ADAMTS17: variants seen among roughly 807,000 people sequenced by gnomAD.
ADAMTS17 encodes the protein ADAM metallopeptidase with thrombospondin type 1 motif 17.
ADAMTS17 carries 113 observed loss-of-function variants against 141.5 expected under a neutral mutation model. The ratio of observed to expected loss-of-function variants is 0.80; its 90% CI spans 0.69 to 0.93. The LOEUF (loss-of-function observed/expected upper bound fraction) is 0.93, where lower values mean the gene tolerates loss of function less well. Ranked by LOEUF, ADAMTS17 falls within the 40% of genes least tolerant of loss-of-function variation. ADAMTS17 has a pLI of 0.00. For missense variants in ADAMTS17, 1,659 were observed against 1,517.9 expected (o/e 1.09, Z -1.54); for synonymous variants, 768 against 630.6 (o/e 1.22, Z -3.27).
chr15:100,146,298 G>A (rs894863520), intron 10 of ADAMTS17, among the ~76,000 whole-genome samples: 3 of 152,354 alleles, frequency 2.0e-5, no homozygotes, highest in Middle Eastern at 3.4e-3. Context: ...GCAGAAGAAC[G>A]TGGATTGTGA....
chr15:100,194,510 G>A (rs1484847550), intron 8 of ADAMTS17, among the ~76,000 whole-genome samples: 1 of 152,150 alleles, frequency 6.6e-6, no homozygotes, highest in Non-Finnish European at 1.5e-5. Flanking sequence ...TCACACTAAA[G>A]TTACTGCCAA....
intron 7 of ADAMTS17, among the ~76,000 whole-genome samples, chr15:100,201,545 G>A (rs917257349): frequency 1.3e-5 from 2 of 152,188 alleles, no homozygotes; most frequent in African/African-American, 2.4e-5. Flanking sequence ...TCCAAAAGGC[G>A]CAGAGGAAGC....
rs559101409 is a variant in ADAMTS17 at position 100,127,586 on chromosome 15, GTTTGT to G, written c.1721+4416_1721+4420del. 2.2e-4 allele frequency among the ~76,000 whole-genome samples: 33 copies of G among 152,242 alleles called. No individual in the cohort carries two copies. In the South Asian group the frequency reaches 6.8e-3, roughly 32 times the overall value. On this transcript the variant is annotated intron_variant, in intron 12 of 21. Coordinates refer to ENST00000268070, the MANE Select transcript of ADAMTS17 (RefSeq NM_139057.4). Reference sequence around the variant, plus strand: ...ATGTGATTCTATTTTTTGTTTGTTTGTTTGTTTTGTTTTGAGATGGAGTCCCACTC... The same window carrying G: ...ATGTGATTCTATTTTTTGTTTGTTTGTTTGTTTTGAGATGGAGTCCCACTC...
chr15:100,097,889 A>G (rs1314590278), intron 14 of ADAMTS17, among the ~76,000 whole-genome samples: 3 of 152,162 alleles, frequency 2.0e-5, no homozygotes, highest in Non-Finnish European at 4.4e-5. Flanking sequence ...ATTTTTTTGA[A>G]AAAGATCTAA....
intron 3 of ADAMTS17, among the ~76,000 whole-genome samples, chr15:100,290,978 G>T (rs2044606623): frequency 6.6e-6 from 1 of 152,056 alleles, no homozygotes; most frequent in African/African-American, 2.4e-5. Flanking sequence ...AAAAGCAATT[G>T]CAACAAAAAC....
intron 10 of ADAMTS17, among the ~76,000 whole-genome samples, 156 bp downstream of exon 10, chr15:100,152,456 G>A (rs1285239283): frequency 6.6e-6 from 1 of 152,186 alleles, no homozygotes; most frequent in Admixed American, 6.5e-5. Context: ...GTCTCTGTAT[G>A]CAAACGTGTG....
At chr15:100,027,497 T>G (rs1307485362) in intron 18 of ADAMTS17, among the ~76,000 whole-genome samples, 1 of 152,254 alleles carries the variant, frequency 6.6e-6, no homozygotes, top group Non-Finnish European at 1.5e-5. Context: ...AACTATGGCC[T>G]GAGGGCCAAA....
intron 4 of ADAMTS17, among the ~76,000 whole-genome samples, chr15:100,280,574 C>G (rs1243108204): frequency 3.3e-5 from 5 of 152,330 alleles, no homozygotes; most frequent in African/African-American, 1.2e-4. Flanking sequence ...CCCGCCCTCC[C>G]TCACCAGGCC....
chr15:100,247,890 C>G (rs60444996), intron 7 of ADAMTS17, among the ~76,000 whole-genome samples: 1 of 151,846 alleles, frequency 6.6e-6, no homozygotes, highest in Admixed American at 6.6e-5. Flanking sequence ...ATCCCCCACC[C>G]GCACTTCCTC....
intron 18 of ADAMTS17, among the ~76,000 whole-genome samples, chr15:100,016,867 A>G (rs1367015897): frequency 6.6e-6 from 1 of 152,202 alleles, no homozygotes; most frequent in Non-Finnish European, 1.5e-5. Context: ...GATGCTTTCC[A>G]GAGAGCACCA....
At chr15:100,192,763 G>A (rs1035748925) in intron 8 of ADAMTS17, among the ~76,000 whole-genome samples, 2 of 152,158 alleles carry the variant, frequency 1.3e-5, no homozygotes, top group African/African-American at 4.8e-5. Context: ...CTGGATAATG[G>A]CTTGCTTTCC....
At chr15:100,110,828 C>G (rs1284030676) in intron 13 of ADAMTS17, among the ~76,000 whole-genome samples, 4 of 152,170 alleles carry the variant, frequency 2.6e-5, no homozygotes, top group African/African-American at 9.7e-5. Context: ...CTGAGCCGAC[C>G]TGGCCTCGGA....
chr15:100,203,559 G>C (rs2041420252), intron 7 of ADAMTS17, among the ~76,000 whole-genome samples: 1 of 152,156 alleles, frequency 6.6e-6, no homozygotes, highest in Non-Finnish European at 1.5e-5. Flanking sequence ...CAAAAAATTA[G>C]CCGGGTGTGG....
At chr15:100,239,125 T>C (rs2042749613) in intron 7 of ADAMTS17, among the ~76,000 whole-genome samples, 1 of 152,182 alleles carries the variant, frequency 6.6e-6, no homozygotes, top group African/African-American at 2.4e-5. Flanking sequence ...GGAAAGACTG[T>C]AACCCAACCG....
At chr15:100,151,159 C>A (rs1397885268) in intron 10 of ADAMTS17, among the ~76,000 whole-genome samples, 1 of 152,170 alleles carries the variant, frequency 6.6e-6, no homozygotes, top group Non-Finnish European at 1.5e-5. Flanking sequence ...CAGTGGGAGG[C>A]TGACATGGGT....
intron 15 of ADAMTS17, among the ~76,000 whole-genome samples, chr15:100,084,029 C>T (rs888854540): frequency 7.9e-5 from 12 of 151,822 alleles, no homozygotes; most frequent in South Asian, 2.1e-4. Flanking sequence ...GTGAGTGAGC[C>T]GAAGCAGGGT....
At chr15:100,131,743 C>T (rs953927444) in intron 12 of ADAMTS17, among the ~76,000 whole-genome samples, 1 of 152,180 alleles carries the variant, frequency 6.6e-6, no homozygotes, top group Non-Finnish European at 1.5e-5. Context: ...CTCCGAAAAC[C>T]TTTCCACTGA....
chr15:100,052,863 C>T (rs1423487513), intron 16 of ADAMTS17, among the ~76,000 whole-genome samples: 1 of 152,212 alleles, frequency 6.6e-6, no homozygotes, highest in Non-Finnish European at 1.5e-5. Flanking sequence ...TGAAAACTGC[C>T]TTACCTTTGT....
intron 20 of ADAMTS17, 99 bp downstream of exon 20, chr15:99,992,949 C>G (rs1439622023): frequency 6.8e-7 from 1 of 1,478,364 alleles, no homozygotes; most frequent in Admixed American, 1.7e-5. Flanking sequence ...TACGCTGGGA[C>G]TGCCGCGTAG....
Sources: gnomAD v4.1 joint callset for allele counts (sites outside exome capture counted in the v4.1 genomes callset) on GRCh38, gnomAD v4.1.1 for gene constraint, MANE v1.5 for transcripts, NCBI Gene and HGNC (gene_info 2026-07-23, HGNC 2026-07-21) for gene names.